WDR25: variants seen among roughly 807,000 people sequenced by gnomAD.
WDR25 encodes the protein WD repeat domain 25, also known as WD repeat-containing protein 25.
In WDR25, 35 loss-of-function variants were observed where a neutral mutation model predicts 47.7. That is an observed-to-expected ratio of 0.73 (90% CI 0.56 to 0.97). The LOEUF (loss-of-function observed/expected upper bound fraction) is 0.97, where lower values mean the gene tolerates loss of function less well. Among genes scored for constraint, WDR25 ranks in the 50% least tolerant of loss-of-function variants. WDR25 has a pLI of 0.00. For synonymous variants in WDR25, 248 were observed against 278.9 expected (o/e 0.89, Z 1.10); for missense variants, 634 against 704.7 (o/e 0.90, Z 1.14).
At chr14:100,385,270 C>T (rs1048464999) in intron 2 of WDR25, among the ~76,000 whole-genome samples, 9 of 152,162 alleles carry the variant, frequency 5.9e-5, no homozygotes, top group African/African-American at 1.4e-4. Context: ...TGGATTTTAT[C>T]GCAAGCCTTT....
chr14:100,380,858 A>C, intron 1 of WDR25, 52 bp from the exon 2 acceptor site: 1 of 1,489,720 alleles, frequency 6.7e-7, no homozygotes, highest in Non-Finnish European at 9.2e-7. Context: ...TTATAACTAC[A>C]TACATATTCT....
At chr14:100,519,771 A>C (rs1315520633) in intron 4 of WDR25, among the ~76,000 whole-genome samples, 2 of 139,462 alleles carry the variant, frequency 1.4e-5, no homozygotes, top group Non-Finnish European at 1.5e-5. Context: ...TATATAGTAT[A>C]TATATAGTAT....
chr14:100,529,099 A>G lies in WDR25; in HGVS notation c.1304A>G (p.His435Arg). 6.4e-7 allele frequency: 1 copy of G among 1,571,824 alleles called. No individual in the cohort carries two copies. Among genetic ancestry groups the G allele is most frequent in the Non-Finnish European group, 8.7e-7 (1 of 1,151,442 alleles). ...ERFTCPSLAL[H>R]PREPVFLAQT... ...TTCACCTGCCCCAGCCTCGCCTTGCACCCGAGAGAGCCCGTGTTCCTGGCA... is the reference window on the plus strand; with the variant it reads ...TTCACCTGCCCCAGCCTCGCCTTGCGCCCGAGAGAGCCCGTGTTCCTGGCA... The change falls in exon 6 of 7, where the codon CAC (histidine) becomes CGC (arginine). Residue 435 changes from histidine (H) to arginine (R), a missense_variant. Coordinates refer to ENST00000402312, the MANE Select transcript of WDR25 (RefSeq NM_001161476.3). The surrounding 1 kb of genome is among the most constrained non-coding windows in gnomAD (Gnocchi z 5.1).
chr14:100,418,851 C>T (rs538478632), intron 2 of WDR25, among the ~76,000 whole-genome samples: 68 of 151,596 alleles, frequency 4.5e-4, no homozygotes, highest in Non-Finnish European at 7.4e-4. Context: ...GTGGAGTGGT[C>T]CCTACACCCA....
At chr14:100,517,704 C>T (rs1297614039) in intron 4 of WDR25, among the ~76,000 whole-genome samples, 4 of 152,080 alleles carry the variant, frequency 2.6e-5, no homozygotes, top group Admixed American at 6.5e-5. Flanking sequence ...ATTAGCCGGG[C>T]GTGGTGGCAC....
chr14:100,391,709 C>G (rs936612462), intron 2 of WDR25, among the ~76,000 whole-genome samples: 1 of 151,448 alleles, frequency 6.6e-6, no homozygotes, highest in Non-Finnish European at 1.5e-5. Context: ...AATTTAAACC[C>G]TTCTTTCCCT....
At chr14:100,510,737 AAAT>A (rs556858291) in intron 4 of WDR25, among the ~76,000 whole-genome samples, 57 of 146,914 alleles carry the variant, frequency 3.9e-4, no homozygotes, top group Admixed American at 2.1e-3. Context: ...CACCATCTCA[AAAT>A]AATAATAATA....
At chr14:100,451,296 C>T (rs969728675) in intron 2 of WDR25, among the ~76,000 whole-genome samples, 3 of 149,490 alleles carry the variant, frequency 2.0e-5, no homozygotes, top group Non-Finnish European at 4.4e-5. Context: ...GGCTGGAGTG[C>T]AGTGGTGCAA....
chr14:100,447,350 C>T (rs1289959384), intron 2 of WDR25, among the ~76,000 whole-genome samples: 1 of 152,190 alleles, frequency 6.6e-6, no homozygotes, highest in East Asian at 1.9e-4. Flanking sequence ...CAACCTGGAG[C>T]CCACAAAGAC....
At chr14:100,526,940 C>CATT (rs1566950411) in intron 5 of WDR25, among the ~76,000 whole-genome samples, 9 of 151,346 alleles carry the variant, frequency 5.9e-5, no homozygotes, top group African/African-American at 1.7e-4. Context: ...TCATCACCAC[C>CATT]ACACCATCTC....
intron 4 of WDR25, among the ~76,000 whole-genome samples, chr14:100,514,090 C>T (rs966674955): frequency 6.6e-6 from 1 of 151,774 alleles, no homozygotes; most frequent in Non-Finnish European, 1.5e-5. Flanking sequence ...CGCCCGCCAC[C>T]ACGCCCGGCT....
intron 2 of WDR25, among the ~76,000 whole-genome samples, chr14:100,383,296 C>T (rs529149391): frequency 5.9e-5 from 9 of 152,182 alleles, no homozygotes; most frequent in Admixed American, 2.0e-4. Context: ...GAAGTGTGCG[C>T]GGAGGCTTCT....
At chr14:100,395,882 AT>A (rs1196651789) in intron 2 of WDR25, among the ~76,000 whole-genome samples, 1 of 147,506 alleles carries the variant, frequency 6.8e-6, no homozygotes, top group Non-Finnish European at 1.5e-5. Flanking sequence ...GGGATTCGGG[AT>A]TGGTTAAATG....
chr14:100,386,573 C>A (rs1395039134), intron 2 of WDR25, among the ~76,000 whole-genome samples: 1 of 152,092 alleles, frequency 6.6e-6, no homozygotes, highest in African/African-American at 2.4e-5. Flanking sequence ...TAAATATTGT[C>A]TTTTTTTGCT....
chr14:100,429,592 C>G (rs556439671), intron 2 of WDR25, among the ~76,000 whole-genome samples: 2 of 152,254 alleles, frequency 1.3e-5, no homozygotes, highest in South Asian at 4.2e-4. Context: ...CACTGCTTGT[C>G]TTAGTCTGCT....
intron 4 of WDR25, among the ~76,000 whole-genome samples, chr14:100,492,367 C>T (rs1900594520): frequency 6.6e-6 from 1 of 152,202 alleles, no homozygotes; most frequent in African/African-American, 2.4e-5. Flanking sequence ...TTCACTGGGA[C>T]TGTGTAAGAA....
At chr14:100,457,772 CAAT>C (rs1899252147) in intron 2 of WDR25, among the ~76,000 whole-genome samples, 1 of 152,120 alleles carries the variant, frequency 6.6e-6, no homozygotes, top group African/African-American at 2.4e-5. Context: ...GTAAAATACA[CAAT>C]AACAATAGCA....
At position 100,430,105 on chromosome 14, in the gene WDR25, C is replaced by T. The variant is rs1459099667; in HGVS notation, c.823-37916C>T. ...AAAGGTTCCAGAAAGATGAGATGGACTTGGCCCCAGAGGCTCTAGGCAAAT... is the reference window on the plus strand; with the variant it reads ...AAAGGTTCCAGAAAGATGAGATGGATTTGGCCCCAGAGGCTCTAGGCAAAT... On this transcript the variant is annotated intron_variant, in intron 2 of 6. Transcript: ENST00000402312. The surrounding 1 kb of genome is among the most constrained non-coding windows in gnomAD (Gnocchi z 4.7). Among the ~76,000 whole-genome samples, 1 of 151,908 alleles carries T rather than the reference C, an allele frequency of 6.6e-6. No individual in the cohort carries two copies. The highest frequency in any genetic ancestry group is 1.5e-5 in the Non-Finnish European group (1 of 67,990).
intron 4 of WDR25, among the ~76,000 whole-genome samples, chr14:100,490,531 T>C (rs527374784): frequency 6.6e-6 from 1 of 152,260 alleles, no homozygotes; most frequent in Non-Finnish European, 1.5e-5. Flanking sequence ...CTGACCTGAC[T>C]GATCTAGGGC....
Sources: gnomAD v4.1 joint callset for allele counts (sites outside exome capture counted in the v4.1 genomes callset) on GRCh38, gnomAD v4.1.1 for gene constraint, Gnocchi (gnomAD v3.1) non-coding constraint, MANE v1.5 for transcripts, NCBI Gene and HGNC (gene_info 2026-07-23, HGNC 2026-07-21) for gene names.